CSPG4: variants seen among roughly 807,000 people sequenced by gnomAD.
CSPG4 encodes chondroitin sulfate proteoglycan 4 (melanoma-associated).
A neutral mutation model predicts 139.3 loss-of-function variants in CSPG4; 74 were observed. That is an observed-to-expected ratio of 0.53 (90% CI 0.44 to 0.64). The LOEUF is 0.64. CSPG4 is among the 30% of genes least tolerant of loss of function. The pLI is 0.00. For missense variants in CSPG4, 2,565 were observed against 3,148.3 expected (o/e 0.81, Z 4.43); for synonymous variants, 1,234 against 1,394.2 (o/e 0.89, Z 2.56).
chr15:75,682,120 C>T (rs1000881475), intron 8 of CSPG4, among the ~76,000 whole-genome samples, 173 bp downstream of exon 8: 16 of 152,272 alleles, frequency 1.1e-4, no homozygotes, highest in African/African-American at 3.9e-4. Context: ...ACTTGCCCTG[C>T]CAGCCTGGCG....
chr15:75,680,745 T>C (rs57163932), intron 8 of CSPG4: 18,463 of 153,634 alleles, frequency 0.12, 1,244 homozygotes, highest in Middle Eastern at 0.23. Context: ...TAAAGTTACC[T>C]GCCCTCCACG....
chr15:75,674,895 AAAT>A lies in CSPG4; in HGVS notation c.*652_*654del. 1 of 398,512 alleles carries A rather than the reference AAAT, an allele frequency of 2.5e-6. No homozygotes were observed. Among genetic ancestry groups the A allele is most frequent in the Non-Finnish European group, 4.4e-6 (1 of 226,040 alleles). The allele number at this position is 398,512 out of a possible 1,614,324, so 24.7% of individuals were successfully genotyped here. ...GTCCTGGCTAGCTCAGCACCATGTT[AAAT>A]AGCTTCCTTGCAATCTCCCTTAAAT... On this transcript the variant is annotated 3_prime_UTR_variant, in exon 10 of 10. Coordinates refer to ENST00000308508, the MANE Select transcript of CSPG4 (RefSeq NM_001897.5).
In CSPG4 at chr15:75,682,829, C is replaced by A. The variant is rs750888913; in HGVS notation, c.4648+14G>T. The stretch of plus-strand genomic sequence containing the variant: ...TGGGCAGCAGGAACCCGAGGCCCGG[C>A]CCTCAGCACCCACCTCTGTGTGAGA... On this transcript the variant is annotated intron_variant, in intron 6 of 9. Transcript: ENST00000308508. 1 of 1,605,852 alleles carries A rather than the reference C, an allele frequency of 6.2e-7. No individual in the cohort carries two copies.
At chr15:75,709,439 C>T (rs1247070256) in intron 1 of CSPG4, among the ~76,000 whole-genome samples, 1 of 152,126 alleles carries the variant, frequency 6.6e-6, no homozygotes, top group Non-Finnish European at 1.5e-5. Flanking sequence ...TTCATTTGCC[C>T]CTGGCCTTGA....
At position 75,687,900 on chromosome 15, in the gene CSPG4, C is replaced by A; in HGVS notation, c.3165G>T (p.Gln1055His). Residue 1055 changes from glutamine (Q) to histidine (H), a missense_variant, in exon 3 of 10, where the codon CAG becomes CAT. Transcript: ENST00000308508. The surrounding 1 kb of genome is among the most constrained non-coding windows in gnomAD (Gnocchi z 5.4). ...SDADSGFADA[Q>H]LVLTRKDLLF... Reference sequence around the variant, plus strand: ...GGAGGTCCTTGCGGGTAAGCACCAGCTGGGCGTCAGCAAAGCCCGAGTCAG... The same window carrying A: ...GGAGGTCCTTGCGGGTAAGCACCAGATGGGCGTCAGCAAAGCCCGAGTCAG... 1.9e-6 allele frequency: 3 copies of A among 1,612,968 alleles called. No homozygotes were observed. Among genetic ancestry groups the A allele is most frequent in the Non-Finnish European group, 2.5e-6 (3 of 1,180,036 alleles).
In CSPG4 at chr15:75,677,252, C is replaced by A. The variant is rs991519501; in HGVS notation, c.5267G>T (p.Ser1756Ile). Residue 1756 changes from serine (S) to isoleucine (I), a missense_variant, in exon 10 of 10, where the codon AGC becomes ATC. By Grantham distance (142) the Ser-to-Ile change is moderately radical. Coordinates refer to ENST00000308508, the MANE Select transcript of CSPG4 (RefSeq NM_001897.5). The part of the protein sequence containing the change: ...DVLFQVTQFP[S>I]RGQLLVSEEP... ...CTCGGACACCAACAGCTGGCCCCGG[C>A]TGGGGAACTGTGTGACCTGGAAGAG... 4 of 1,489,758 alleles carry A rather than the reference C, an allele frequency of 2.7e-6. No homozygotes were observed. In the African/African-American group the frequency reaches 5.6e-5, roughly 21 times the overall value. The allele number at this position is 1,489,758 out of a possible 1,614,324, so 92.3% of individuals were successfully genotyped here.
rs755436100 is a variant in CSPG4 at position 75,689,234 on chromosome 15, C to T, written c.1831G>A (p.Glu611Lys). The T allele has an allele frequency of 2.5e-6, 4 of 1,610,270 alleles. No individual in the cohort carries two copies. The highest frequency in any genetic ancestry group is 3.4e-6 in the Non-Finnish European group (4 of 1,179,572). ...CGGCAGGAGAACTCGGTCGCCGGCT[C>T]CCCAGGCTGGTCTCGGCGCTCCACG... ...LPVERRDQPGEPATEFSCREL... is the reference protein window; with the variant it reads ...LPVERRDQPGKPATEFSCREL... Residue 611 changes from glutamate to lysine, a missense_variant, in exon 3 of 10, where the codon GAG becomes AAG. Physicochemically the swap from Glu to Lys is moderately conservative, Grantham distance 56 (BLOSUM62 1). Around this residue, in one of 5 missense-constraint regions of CSPG4, gnomAD observed 2,316 missense variants for 2,818.2 expected, o/e 0.82. Coordinates refer to ENST00000308508, the MANE Select transcript of CSPG4 (RefSeq NM_001897.5).
Position 75,675,928 on chromosome 15 carries a change from C to G in CSPG4, c.6591G>C (p.Glu2197Asp), listed in dbSNP as rs183417829. ...CAGGGCTGGATGCCATGGGGCCTGG[C>G]TCGCCTGTGGGGGTGCTGCTCTCTG... is the stretch of plus-strand genomic sequence containing the variant. Reference protein sequence around the residue: ...GKPESSTPTGEPGPMASSPEP... With the variant: ...GKPESSTPTGDPGPMASSPEP... The change falls in exon 10 of 10, where the codon GAG (glutamate) becomes GAC (aspartate). Residue 2197 changes from glutamate to aspartate, a missense_variant. Around this residue, in one of 5 missense-constraint regions of CSPG4, gnomAD observed 2,316 missense variants for 2,818.2 expected, o/e 0.82. Coordinates refer to ENST00000308508, the MANE Select transcript of CSPG4 (RefSeq NM_001897.5). 1 of 1,598,172 alleles carries G rather than the reference C, an allele frequency of 6.3e-7. No homozygotes were observed. The highest frequency in any genetic ancestry group is 1.7e-5 in the Admixed American group (1 of 59,820).
At chr15:75,702,162 G>A (rs1894311944) in intron 1 of CSPG4, among the ~76,000 whole-genome samples, 1 of 152,180 alleles carries the variant, frequency 6.6e-6, no homozygotes, top group African/African-American at 2.4e-5. Flanking sequence ...ACCCCCGGGT[G>A]GCACTGAAGG....
rs200090490 is a variant in CSPG4 at position 75,685,638 on chromosome 15, C to T, written c.3853G>A (p.Gly1285Ser). The change falls in exon 4 of 10, where the codon GGC becomes AGC. Residue 1285 changes from glycine (G) to serine (S), a missense_variant. By Grantham distance (56) the Gly-to-Ser change is moderately conservative. Around this residue, in one of 5 missense-constraint regions of CSPG4, gnomAD observed 2,316 missense variants for 2,818.2 expected, o/e 0.82. Transcript: ENST00000308508. Reference sequence around the variant, plus strand: ...CCACGCGACACCATCACCAGGTAGCCGGCACTCGGTGGGCTCTTCACTGAG... The same window carrying T: ...CCACGCGACACCATCACCAGGTAGCTGGCACTCGGTGGGCTCTTCACTGAG... ...VFSVKSPPSAGYLVMVSRGAL... is the reference protein window; with the variant it reads ...VFSVKSPPSASYLVMVSRGAL... 2.5e-5 allele frequency: 40 copies of T among 1,608,922 alleles called. No homozygotes were observed. The highest frequency in any genetic ancestry group is 7.7e-5 in the South Asian group (7 of 90,886).
chr15:75,682,771 C>T, intron 6 of CSPG4, 30 bp from the exon 7 acceptor site: 2 of 1,609,272 alleles, frequency 1.2e-6, no homozygotes. Context: ...GTCCAGCTGG[C>T]CCGAGCCGGC....
At chr15:75,682,500 C>A in intron 7 of CSPG4, 41 bp from the exon 8 acceptor site, 1 of 1,573,564 alleles carries the variant, frequency 6.4e-7, no homozygotes, top group Non-Finnish European at 8.6e-7. Context: ...TGACTGGGAG[C>A]CAGGTCCAGG....
chr15:75,676,714 C>T lies in CSPG4; in HGVS notation c.5805G>A (p.Val1935=). 1.9e-6 allele frequency: 3 copies of T among 1,587,454 alleles called. No individual in the cohort carries two copies. The highest frequency in any genetic ancestry group is 2.6e-6 in the Non-Finnish European group (3 of 1,164,830). Residue 1935 remains valine (V), a synonymous_variant, in exon 10 of 10, where the codon GTG becomes GTA. Coordinates refer to ENST00000308508, the MANE Select transcript of CSPG4 (RefSeq NM_001897.5). ...CCTCGATGGCGGATGGTAGGATGTC[C>T]ACAGCCAGGGACATGGGCAGGGGTG... ...ASPPLPMSLA[V]DILPSAIEVQ...
Position 75,689,954 on chromosome 15 carries a change from A to G in CSPG4, c.1111T>C (p.Leu371=). 2 of 1,611,510 alleles carry G rather than the reference A, an allele frequency of 1.2e-6. No homozygotes were observed. The highest frequency in any genetic ancestry group is 2.2e-5 in the East Asian group (1 of 44,844). ...NGQRRGLREA[L]LTRNMAAGCR... is the part of the protein sequence containing the mutation. ...CCGGCTGCCATGTTGCGCGTCAGCA[A>G]AGCTTCCCGCAGCCCCCGCCTCTGG... Residue 371 remains leucine, a synonymous_variant, in exon 3 of 10, where the codon TTG becomes CTG. Transcript: ENST00000308508.
intron 7 of CSPG4, 64 bp from the exon 8 acceptor site, chr15:75,682,523 A>G: frequency 1.9e-6 from 3 of 1,587,602 alleles, no homozygotes; most frequent in Non-Finnish European, 1.7e-6. Context: ...TGTGTTTGCA[A>G]AGAGGCAGCG....
In CSPG4 at chr15:75,698,350, G is replaced by C. The variant is rs775877464; in HGVS notation, c.89-5117C>G. On this transcript the variant is annotated intron_variant, in intron 1 of 9. Coordinates refer to ENST00000308508, the MANE Select transcript of CSPG4 (RefSeq NM_001897.5). The surrounding 1 kb of genome is among the most constrained non-coding windows in gnomAD (Gnocchi z 4.3). The stretch of plus-strand genomic sequence containing the variant: ...CGGGGGGTGGTCGTGGCCCACCTGG[G>C]GGCTGAATGCCGGCTCTGTGAGAGC... Among the ~76,000 whole-genome samples the C allele has an allele frequency of 6.6e-6, 1 of 152,070 alleles. No homozygotes were observed. The highest frequency in any genetic ancestry group is 2.4e-5 in the African/African-American group (1 of 41,454).
chr15:75,682,175 G>A (rs1408178657), intron 8 of CSPG4, 118 bp downstream of exon 8: 7 of 1,319,484 alleles, frequency 5.3e-6, no homozygotes, highest in South Asian at 3.8e-5. Context: ...TGGCAGGCCC[G>A]GGAACGTCTG....
intron 1 of CSPG4, among the ~76,000 whole-genome samples, chr15:75,697,344 G>A (rs1894241300): frequency 6.6e-6 from 1 of 151,220 alleles, no homozygotes; most frequent in Non-Finnish European, 1.5e-5. Flanking sequence ...AGTCTGGAGG[G>A]CCCCGGCCTG....
chr15:75,677,231 G>T lies in CSPG4; in HGVS notation c.5288C>A (p.Ser1763Tyr). The T allele has an allele frequency of 6.7e-7, 1 of 1,482,970 alleles. No homozygotes were observed. Among genetic ancestry groups the T allele is most frequent in the East Asian group, 2.5e-5 (1 of 40,570 alleles). The allele number at this position is 1,482,970 out of a possible 1,614,324, so 91.9% of individuals were successfully genotyped here. Residue 1763 changes from serine to tyrosine, a missense_variant, in exon 10 of 10, where the codon TCC becomes TAC. Ser to Tyr is a moderately radical substitution (Grantham distance 144, BLOSUM62 -2). Around this residue, in one of 5 missense-constraint regions of CSPG4, gnomAD observed 2,316 missense variants for 2,818.2 expected, o/e 0.82. Coordinates refer to ENST00000308508, the MANE Select transcript of CSPG4 (RefSeq NM_001897.5). ...QFPSRGQLLVSEEPLHAGQPH... is the reference protein window; with the variant it reads ...QFPSRGQLLVYEEPLHAGQPH... The stretch of plus-strand genomic sequence containing the variant: ...CTGCCCAGCATGGAGGGGCTCCTCG[G>T]ACACCAACAGCTGGCCCCGGCTGGG...
Sources: gnomAD v4.1 joint callset for allele counts (sites outside exome capture counted in the v4.1 genomes callset) on GRCh38, gnomAD v4.1.1 for gene constraint, gnomAD v4.1.1 regional missense constraint, Gnocchi (gnomAD v3.1) non-coding constraint, MANE v1.5 for transcripts, NCBI Gene and HGNC (gene_info 2026-07-23, HGNC 2026-07-21) for gene names.